DGKK: variants seen among roughly 807,000 people sequenced by gnomAD.
DGKK encodes the protein diacylglycerol kinase kappa.
A neutral mutation model predicts 92.2 loss-of-function variants in DGKK; 35 were observed. The observed-to-expected ratio is 0.38, with a 90% CI of 0.29 to 0.50. DGKK has a LOEUF of 0.50. DGKK is among the 20% of genes least tolerant of loss of function. The pLI is 0.92. For synonymous variants in DGKK, 368 were observed against 360.6 expected (o/e 1.02, Z -0.23); for missense variants, 910 against 992.2 (o/e 0.92, Z 1.11).
intron 1 of DGKK, among the ~76,000 whole-genome samples, chrX:50,454,111 T>A (rs1482157322): frequency 1.8e-5 from 2 of 110,855 alleles, no homozygotes; most frequent in East Asian, 2.9e-4. Context: ...TCCACCCAAA[T>A]AAGAAAAATT....
At chrX:50,452,284 T>C (rs1926513209) in intron 1 of DGKK, among the ~76,000 whole-genome samples, 1 of 111,859 alleles carries the variant, frequency 8.9e-6, no homozygotes, top group Non-Finnish European at 1.9e-5. Flanking sequence ...TTTCTGTAGG[T>C]AGAAGCAAAT....
intron 4 of DGKK, among the ~76,000 whole-genome samples, chrX:50,411,452 G>C (rs782653953): frequency 9.0e-5 from 10 of 111,713 alleles, no homozygotes; most frequent in East Asian, 2.8e-4. Context: ...AACAAACGAA[G>C]AATTCAAATC....
chrX:50,446,848 G>C (rs782328380), intron 1 of DGKK, among the ~76,000 whole-genome samples: 86 of 110,532 alleles, frequency 7.8e-4, no homozygotes, highest in Non-Finnish European at 1.4e-3. Context: ...CATGCTTTTG[G>C]AGGCTTTTAC....
chrX:50,371,053 G>C (rs1298963262), intron 26 of DGKK, among the ~76,000 whole-genome samples: 1 of 112,747 alleles, frequency 8.9e-6, no homozygotes, highest in East Asian at 2.8e-4. Context: ...CTGCTTCCCT[G>C]TCTGGAATGC....
rs781817219 is a variant in DGKK, at chrX:50,453,931, A to G, written c.645+16103T>C. Among the ~76,000 whole-genome samples, 9 of 108,855 alleles carry G rather than the reference A, an allele frequency of 8.3e-5. 1 individual carries two copies. The Admixed American group carries it at 8.9e-4, about 11-fold the overall frequency. 94.5% of individuals were successfully genotyped at this position (108,855 alleles called of 115,157 possible). A position where few individuals can be genotyped will look rare whatever the true frequency, so the allele number is the denominator to read the frequency against. On this transcript the variant is annotated intron_variant, in intron 1 of 27. Coordinates refer to ENST00000611977, the MANE Select transcript of DGKK (RefSeq NM_001013742.4). The stretch of plus-strand genomic sequence containing the variant: ...ACATCCTATGCTACCTCCTCTGACC[A>G]TTTCTTTCTCCTTACTCCACTATTC...
intron 8 of DGKK, among the ~76,000 whole-genome samples, chrX:50,396,839 G>A (rs1296371101): frequency 3.6e-5 from 4 of 112,315 alleles, no homozygotes; most frequent in Non-Finnish European, 5.6e-5. Flanking sequence ...CCACAAGATT[G>A]CTTTTGAATA....
intron 1 of DGKK, among the ~76,000 whole-genome samples, chrX:50,440,141 G>A (rs1926134049): frequency 8.9e-6 from 1 of 111,778 alleles, no homozygotes; most frequent in Non-Finnish European, 1.9e-5. Flanking sequence ...ATCCTCTTCT[G>A]TTGTATTCCA....
intron 1 of DGKK, among the ~76,000 whole-genome samples, chrX:50,453,759 C>T (rs1457545944): frequency 9.0e-6 from 1 of 111,202 alleles, no homozygotes; most frequent in African/African-American, 3.3e-5. Flanking sequence ...ATCTGATGCT[C>T]TCATGGCAGA....
At chrX:50,467,062 TGAGA>T (rs1926927045) in intron 1 of DGKK, among the ~76,000 whole-genome samples, 1 of 111,922 alleles carries the variant, frequency 8.9e-6, no homozygotes, top group Non-Finnish European at 1.9e-5. Context: ...GCACAGCTGA[TGAGA>T]GAGAAAGAAA....
chrX:50,449,158 C>T (rs1014073417), intron 1 of DGKK, among the ~76,000 whole-genome samples: 3 of 111,455 alleles, frequency 2.7e-5, no homozygotes, highest in African/African-American at 9.8e-5. Flanking sequence ...CATGGTGACA[C>T]CCCAAAGCAA....
At chrX:50,432,354 C>G (rs1447052351) in intron 1 of DGKK, among the ~76,000 whole-genome samples, 1 of 112,468 alleles carries the variant, frequency 8.9e-6, no homozygotes, top group East Asian at 2.8e-4. Flanking sequence ...AAAACTTTAA[C>G]CAGTTCCTTG....
At chrX:50,384,067 T>C in intron 17 of DGKK, 101 bp downstream of exon 17, 1 of 468,298 alleles carries the variant, frequency 2.1e-6, no homozygotes, top group Non-Finnish European at 3.3e-6. Flanking sequence ...GTGACACAGC[T>C]AGTAAGTAAG....
chrX:50,443,036 A>G (rs1463961069), intron 1 of DGKK, among the ~76,000 whole-genome samples: 2 of 111,765 alleles, frequency 1.8e-5, no homozygotes, highest in African/African-American at 6.5e-5. Context: ...CTCGTCTACT[A>G]GCAACACAGA....
At chrX:50,447,367 T>C in intron 1 of DGKK, among the ~76,000 whole-genome samples, 1 of 13,954 alleles carries the variant, frequency 7.2e-5, no homozygotes, top group Non-Finnish European at 9.4e-5. Flanking sequence ...AATATATATA[T>C]ATTATATATA....
At chrX:50,419,415 C>T (rs1405402435) in intron 4 of DGKK, among the ~76,000 whole-genome samples, 1 of 111,750 alleles carries the variant, frequency 8.9e-6, no homozygotes, top group Non-Finnish European at 1.9e-5. Flanking sequence ...GCATTATCAC[C>T]AAGCCACTTC....
intron 1 of DGKK, among the ~76,000 whole-genome samples, chrX:50,450,583 T>C (rs902545490): frequency 8.9e-6 from 1 of 112,056 alleles, no homozygotes; most frequent in Non-Finnish European, 1.9e-5. Flanking sequence ...TTCTAAGGTG[T>C]ATGCTTAGCA....
At chrX:50,465,878 T>C (rs1926887922) in intron 1 of DGKK, among the ~76,000 whole-genome samples, 1 of 110,875 alleles carries the variant, frequency 9.0e-6, no homozygotes, top group African/African-American at 3.3e-5. Flanking sequence ...TTCAAGGAAA[T>C]AAAAGGGTTA....
chrX:50,394,473 A>G (rs1393129205), intron 8 of DGKK, among the ~76,000 whole-genome samples: 1 of 111,833 alleles, frequency 8.9e-6, no homozygotes, highest in Non-Finnish European at 1.9e-5. Flanking sequence ...CTACAAGGGG[A>G]GTCTTGTAGA....
chrX:50,434,607 T>G (rs1444455839), intron 1 of DGKK, among the ~76,000 whole-genome samples: 1 of 110,723 alleles, frequency 9.0e-6, no homozygotes, highest in Non-Finnish European at 1.9e-5. Context: ...ACCAGTGATA[T>G]CTGCAGATTT....
Sources: gnomAD v4.1 joint callset for allele counts (sites outside exome capture counted in the v4.1 genomes callset) on GRCh38, gnomAD v4.1.1 for gene constraint, MANE v1.5 for transcripts, NCBI Gene and HGNC (gene_info 2026-07-23, HGNC 2026-07-21) for gene names.